RBM38: variants seen among roughly 807,000 people sequenced by gnomAD.
The protein encoded by RBM38 is RNA-binding protein 38.
In RBM38, 11 loss-of-function variants were observed where a neutral mutation model predicts 23.5. The ratio of observed to expected loss-of-function variants is 0.47; its 90% CI spans 0.29 to 0.77. The LOEUF is 0.77. Among genes scored for constraint, RBM38 ranks in the 30% least tolerant of loss-of-function variants. The probability of loss-of-function intolerance (pLI) is 0.08; values close to 1 mark genes in which losing one functional copy is unlikely to be tolerated. For synonymous variants in RBM38, 165 were observed against 166.1 expected (o/e 0.99, Z 0.05); for missense variants, 330 against 351.9 (o/e 0.94, Z 0.50).
intron 3 of RBM38, among the ~76,000 whole-genome samples, chr20:57,404,974 CGA>C (rs1490694796): frequency 6.6e-6 from 1 of 152,172 alleles, no homozygotes; most frequent in African/African-American, 2.4e-5. Flanking sequence ...GGAGGTGCCA[CGA>C]GAGGGTTGTG....
chr20:57,392,853 G>A, intron 2 of RBM38, 76 bp downstream of exon 2: 1 of 1,557,370 alleles, frequency 6.4e-7, no homozygotes, highest in Non-Finnish European at 8.7e-7. Context: ...GTGGAAAGAG[G>A]CCCCCCCTCC....
Position 57,407,870 on chromosome 20 carries a change from G to C in RBM38, c.*24G>C. On this transcript the variant is annotated 3_prime_UTR_variant, in exon 4 of 4. Coordinates refer to ENST00000356208, the MANE Select transcript of RBM38 (RefSeq NM_017495.6). The surrounding 1 kb of genome is among the most constrained non-coding windows in gnomAD (Gnocchi z 4.0). ...GAGGGGCGTTCCTGCCCCGAGGACT[G>C]TGGCATTGTCACCTTCACAGCAGAC... is the stretch of plus-strand genomic sequence containing the variant. 1 of 1,530,484 alleles carries C rather than the reference G, an allele frequency of 6.5e-7. No homozygotes were observed. Among genetic ancestry groups the C allele is most frequent in the Admixed American group, 2.0e-5 (1 of 50,984 alleles). The allele number at this position is 1,530,484 out of a possible 1,614,324, so 94.8% of individuals were successfully genotyped here. A position where few individuals can be genotyped will look rare whatever the true frequency, so the allele number is the denominator to read the frequency against.
chr20:57,397,430 C>T (rs1474899899), intron 3 of RBM38, among the ~76,000 whole-genome samples: 1 of 152,242 alleles, frequency 6.6e-6, no homozygotes, highest in Non-Finnish European at 1.5e-5. Flanking sequence ...GAGCACAAGG[C>T]CTCGAGACTG....
intron 3 of RBM38, among the ~76,000 whole-genome samples, chr20:57,395,936 C>T (rs1383012370): frequency 1.3e-5 from 2 of 152,202 alleles, no homozygotes; most frequent in African/African-American, 4.8e-5. Context: ...GCCAGGAGCC[C>T]AGGCAGCTGA....
intron 3 of RBM38, among the ~76,000 whole-genome samples, chr20:57,399,403 G>A (rs1451491718): frequency 2.6e-5 from 4 of 152,186 alleles, no homozygotes; most frequent in Non-Finnish European, 4.4e-5. Context: ...TGAGACGAGG[G>A]TGCTGCCTGC....
At chr20:57,392,333 G>A in intron 1 of RBM38, 1 of 1,147,298 alleles carries the variant, frequency 8.7e-7, no homozygotes, top group Non-Finnish European at 1.2e-6. Flanking sequence ...GGCCCTCACT[G>A]GTGGGCAAGT....
chr20:57,394,336 CCCCT>C (rs2067252824), intron 3 of RBM38, among the ~76,000 whole-genome samples: 1 of 36,324 alleles, frequency 2.8e-5, no homozygotes, highest in South Asian at 1.1e-3. Flanking sequence ...GTGAATGGGT[CCCCT>C]GGGGCCTGGC....
intron 1 of RBM38, 23 bp downstream of exon 1, chr20:57,391,841 C>G: frequency 6.6e-7 from 1 of 1,506,732 alleles, no homozygotes. Flanking sequence ...CGCGCCCGGG[C>G]CCGCACCCCG....
chr20:57,403,691 A>T (rs7264925), intron 3 of RBM38, among the ~76,000 whole-genome samples: 93 of 151,872 alleles, frequency 6.1e-4, no homozygotes, highest in African/African-American at 2.2e-3. Flanking sequence ...GCATGATCTC[A>T]GCTCACCACA....
intron 3 of RBM38, among the ~76,000 whole-genome samples, chr20:57,395,858 C>CGGCCAGTTTTGT (rs1600747049): frequency 6.6e-6 from 1 of 152,278 alleles, no homozygotes; most frequent in East Asian, 1.9e-4. Flanking sequence ...CCTGACTCAG[C>CGGCCAGTTTTGT]GGCCAGTTTT....
chr20:57,400,160 G>A (rs1433156167), intron 3 of RBM38, among the ~76,000 whole-genome samples: 1 of 152,188 alleles, frequency 6.6e-6, no homozygotes, highest in Non-Finnish European at 1.5e-5. Context: ...AGGCCGGAGG[G>A]GCTGAGTGAT....
At chr20:57,405,061 A>G (rs1339151245) in intron 3 of RBM38, among the ~76,000 whole-genome samples, 1 of 152,186 alleles carries the variant, frequency 6.6e-6, no homozygotes, top group Non-Finnish European at 1.5e-5. Context: ...TTGTGCCGCC[A>G]TGCTGCTCCC....
chr20:57,404,676 C>T (rs1263975019), intron 3 of RBM38, among the ~76,000 whole-genome samples: 2 of 152,266 alleles, frequency 1.3e-5, no homozygotes, highest in Non-Finnish European at 2.9e-5. Context: ...TGCCCAGTGC[C>T]TCCTACAGGC....
chr20:57,401,914 G>A (rs1273884072), intron 3 of RBM38, among the ~76,000 whole-genome samples: 1 of 152,106 alleles, frequency 6.6e-6, no homozygotes, highest in Admixed American at 6.5e-5. Flanking sequence ...GCAGCTGGAG[G>A]GTTCTGCTTC....
rs2067399686 is a variant in RBM38 at position 57,407,585 on chromosome 20, C to T, written c.459C>T (p.Pro153=). The change falls in exon 4 of 4, where the codon CCC becomes CCT. Residue 153 remains proline (P), a synonymous_variant. Transcript: ENST00000356208. The surrounding 1 kb of genome is among the most constrained non-coding windows in gnomAD (Gnocchi z 4.0). ...HYIYPPAIVQ[P]SVVIPAAPVP... is the part of the protein sequence containing the mutation. ...TCTACCCACCAGCCATCGTGCAGCCCAGCGTGGTGATCCCAGCCGCCCCTG... is the reference window on the plus strand; with the variant it reads ...TCTACCCACCAGCCATCGTGCAGCCTAGCGTGGTGATCCCAGCCGCCCCTG... 2 of 1,613,752 alleles carry T rather than the reference C, an allele frequency of 1.2e-6. No homozygotes were observed. Among genetic ancestry groups the T allele is most frequent in the Non-Finnish European group, 1.7e-6 (2 of 1,179,830 alleles).
intron 3 of RBM38, among the ~76,000 whole-genome samples, chr20:57,401,789 G>A (rs1476356523): frequency 6.6e-6 from 1 of 152,206 alleles, no homozygotes; most frequent in Admixed American, 6.5e-5. Context: ...CAGTGGGAGT[G>A]TGGCCAGGGA....
At chr20:57,392,057 G>A (rs2067224346) in intron 1 of RBM38, among the ~76,000 whole-genome samples, 1 of 67,730 alleles carries the variant, frequency 1.5e-5, no homozygotes, top group Non-Finnish European at 3.2e-5. Flanking sequence ...CGGTTTAAAA[G>A]GAAGAGCCGC....
intron 3 of RBM38, among the ~76,000 whole-genome samples, chr20:57,406,573 C>T (rs1010765496): frequency 1.3e-5 from 2 of 152,202 alleles, no homozygotes; most frequent in Non-Finnish European, 2.9e-5. Context: ...GCGAGTATGG[C>T]AGCTGTTGGC....
rs16980970 is a variant in RBM38, at chr20:57,407,802, G to A, written c.676G>A (p.Val226Met). The A allele has an allele frequency of 9.0e-5, 144 of 1,597,392 alleles. No homozygotes were observed. The highest frequency in any genetic ancestry group is 7.8e-5 in the South Asian group (7 of 89,332). Residue 226 changes from valine to methionine, a missense_variant, in exon 4 of 4, where the codon GTG becomes ATG. This residue lies in a region of RBM38 where 227 missense variants were observed against 216.4 expected (regional missense o/e 1.05). Transcript: ENST00000356208. This position sits in a 1 kb window ranked among gnomAD's most constrained non-coding sequence, Gnocchi z 4.0. The stretch of plus-strand genomic sequence containing the variant: ...CGCAGCACCCGCGGGCACCACTTTC[G>A]TGCAGTACCAGGCGCCGCAGCTGCA... ...SAAAPAGTTF[V>M]QYQAPQLQPD...
Sources: allele counts gnomAD v4.1 joint callset (sites outside exome capture counted in the v4.1 genomes callset), GRCh38; gene constraint gnomAD v4.1.1; regional missense constraint gnomAD v4.1.1; non-coding constraint Gnocchi (gnomAD v3.1); transcripts MANE v1.5; gene names NCBI Gene and HGNC (gene_info 2026-07-23, HGNC 2026-07-21).